Variants in PCGF6 observed in about 807,000 individuals in gnomAD.
PCGF6 encodes the protein polycomb group RING finger protein 6.
A neutral mutation model predicts 45.5 loss-of-function variants in PCGF6; 24 were observed. The ratio of observed to expected loss-of-function variants is 0.53; its 90% CI spans 0.38 to 0.74. The LOEUF is 0.74. PCGF6 is among the 30% of genes least tolerant of loss of function. PCGF6 has a pLI of 0.00. For synonymous variants in PCGF6, 152 were observed against 162.1 expected (o/e 0.94, Z 0.47); for missense variants, 356 against 443.2 (o/e 0.80, Z 1.77).
intron 6 of PCGF6, among the ~76,000 whole-genome samples, chr10:103,340,190 AAAAAAAAAATATAT>A (rs2093275291): frequency 9.6e-6 from 1 of 104,292 alleles, no homozygotes; most frequent in Non-Finnish European, 1.9e-5. Flanking sequence ...GAAAAAAAAA[AAAAAAAAAATATAT>A]ATATATATAT....
chr10:103,337,949 AGCT>A lies in PCGF6; in HGVS notation c.783-4000_783-3998del, dbSNP rs2093263596. 1.8e-4 allele frequency among the ~76,000 whole-genome samples: 19 copies of A among 108,188 alleles called. 8 individuals carry two copies. Among genetic ancestry groups the A allele is most frequent in the Non-Finnish European group, 2.8e-4 (14 of 50,758 alleles). The allele number at this position is 108,188 out of a possible 152,430, so 71.0% of individuals were successfully genotyped here. A position where few individuals can be genotyped will look rare whatever the true frequency, so the allele number is the denominator to read the frequency against. ...CGTAGTGGTGGGCGCCTGTAGTCCC[AGCT>A]ACTTGGGAGGCTGAGGCAGGAGAAT... On this transcript the variant is annotated intron_variant, in intron 6 of 9. Coordinates refer to ENST00000369847, the MANE Select transcript of PCGF6 (RefSeq NM_001011663.2).
intron 6 of PCGF6, among the ~76,000 whole-genome samples, chr10:103,336,041 G>A (rs558637174): frequency 6.6e-6 from 1 of 151,892 alleles, no homozygotes; most frequent in Admixed American, 6.6e-5. Context: ...CAAGGTGGGT[G>A]GATTGCCTGA....
At chr10:103,325,661 C>T (rs1440011225) in intron 8 of PCGF6, among the ~76,000 whole-genome samples, 1 of 152,014 alleles carries the variant, frequency 6.6e-6, no homozygotes, top group Non-Finnish European at 1.5e-5. Context: ...GGAACTGAGG[C>T]CTCTTTAATA....
At chr10:103,328,819 G>A (rs949854618) in intron 7 of PCGF6, among the ~76,000 whole-genome samples, 4 of 138,698 alleles carry the variant, frequency 2.9e-5, no homozygotes, top group African/African-American at 1.1e-4. Flanking sequence ...TGGAGCGATC[G>A]TGGCTCACTG....
At chr10:103,335,609 C>T (rs906706768) in intron 6 of PCGF6, among the ~76,000 whole-genome samples, 3 of 152,004 alleles carry the variant, frequency 2.0e-5, no homozygotes, top group African/African-American at 7.2e-5. Context: ...GATCTGCCCA[C>T]CTTGGCCTCC....
chr10:103,309,231 T>C (rs1408507173), intron 9 of PCGF6, among the ~76,000 whole-genome samples: 1 of 151,382 alleles, frequency 6.6e-6, no homozygotes, highest in Admixed American at 6.6e-5. Flanking sequence ...AATGATATGG[T>C]TTGGATCTGT....
rs1005571472 is a variant in PCGF6, at chr10:103,330,733, G to A, written c.810+3192C>T. 3.3e-5 allele frequency among the ~76,000 whole-genome samples: 5 copies of A among 152,268 alleles called. No individual in the cohort carries two copies. In the East Asian group the frequency reaches 9.7e-4, roughly 30 times the overall value. ...ACCTGAGGTCAGAAGTTCAAGACCA[G>A]CCTGGCTAACACGGTGAAACCCCGT... is the stretch of plus-strand genomic sequence containing the variant. On this transcript the variant is annotated intron_variant, in intron 7 of 9. Coordinates refer to ENST00000369847, the MANE Select transcript of PCGF6 (RefSeq NM_001011663.2).
intron 5 of PCGF6, among the ~76,000 whole-genome samples, chr10:103,345,386 G>A (rs1183613128): frequency 6.6e-6 from 1 of 152,184 alleles, no homozygotes; most frequent in African/African-American, 2.4e-5. Context: ...CATTAGAACA[G>A]CAACATGTGT....
intron 8 of PCGF6, among the ~76,000 whole-genome samples, chr10:103,315,990 GTGTGTA>G (rs57037263): frequency 0.013 from 1,405 of 112,226 alleles, 14 homozygotes; most frequent in African/African-American, 0.036. Flanking sequence ...GTGTGTGTGT[GTGTGTA>G]TATATATATA....
intron 6 of PCGF6, among the ~76,000 whole-genome samples, chr10:103,338,536 CTCCA>C (rs2093266846): frequency 7.2e-6 from 1 of 138,134 alleles, no homozygotes. Context: ...CAGAGCGAGA[CTCCA>C]TCTCAAAAAA....
intron 7 of PCGF6, among the ~76,000 whole-genome samples, chr10:103,332,917 A>G (rs1373376357): frequency 1.3e-5 from 2 of 151,994 alleles, no homozygotes; most frequent in Non-Finnish European, 2.9e-5. Flanking sequence ...GAGTTTGAGA[A>G]TAGCCTGGCC....
chr10:103,350,471 C>T (rs1006267750), intron 1 of PCGF6, among the ~76,000 whole-genome samples: 1 of 152,196 alleles, frequency 6.6e-6, no homozygotes, highest in Non-Finnish European at 1.5e-5. Flanking sequence ...GTTGGACTCG[C>T]AGAGCCTAAG....
intron 9 of PCGF6, among the ~76,000 whole-genome samples, chr10:103,309,440 C>G (rs1254772388): frequency 6.6e-6 from 1 of 152,194 alleles, no homozygotes; most frequent in Non-Finnish European, 1.5e-5. Context: ...CTTATTCTCT[C>G]TCTTCTGGTT....
At chr10:103,345,184 T>C in intron 5 of PCGF6, 52 bp from the exon 6 acceptor site, 1 of 1,288,670 alleles carries the variant, frequency 7.8e-7, no homozygotes. Flanking sequence ...TGCCATAAAT[T>C]GAGATCTTTG....
At position 103,348,972 on chromosome 10, in the gene PCGF6, G is replaced by T. The variant is rs752613513; in HGVS notation, c.388C>A (p.Pro130Thr). The T allele has an allele frequency of 5.6e-6, 9 of 1,613,828 alleles. No homozygotes were observed. Among genetic ancestry groups the T allele is most frequent in the Non-Finnish European group, 6.8e-6 (8 of 1,179,778 alleles). ...TTGCAAATGGAACACAAGATGTATGGGGTCAGCTCAGAGAGATTAATCAGG... is the reference window on the plus strand; with the variant it reads ...TTGCAAATGGAACACAAGATGTATGTGGTCAGCTCAGAGAGATTAATCAGG... ...ERLINLSELT[P>T]YILCSICKGY... Residue 130 changes from proline (P) to threonine (T), a missense_variant, in exon 2 of 10, where the codon CCA becomes ACA. Pro to Thr is a conservative substitution (Grantham distance 38). Around this residue, in one of 2 missense-constraint regions of PCGF6, gnomAD observed 307 missense variants for 350.1 expected, o/e 0.88. Coordinates refer to ENST00000369847, the MANE Select transcript of PCGF6 (RefSeq NM_001011663.2).
chr10:103,312,980 A>AAAACAG (rs2093162834), intron 9 of PCGF6, among the ~76,000 whole-genome samples: 1 of 152,132 alleles, frequency 6.6e-6, no homozygotes. Flanking sequence ...AACAAAAACA[A>AAAACAG]AAACAAAAAC....
At chr10:103,338,953 A>C (rs1738440944) in intron 6 of PCGF6, among the ~76,000 whole-genome samples, 1 of 152,134 alleles carries the variant, frequency 6.6e-6, no homozygotes, top group African/African-American at 2.4e-5. Flanking sequence ...CAGAGGCTGA[A>C]CCCACCTCAG....
intron 7 of PCGF6, among the ~76,000 whole-genome samples, chr10:103,332,308 C>G (rs573689821): frequency 6.6e-6 from 1 of 152,144 alleles, no homozygotes; most frequent in Non-Finnish European, 1.5e-5. Context: ...AAGACAGAGT[C>G]TTACTCTGTC....
At chr10:103,320,749 A>T (rs923181145) in intron 8 of PCGF6, among the ~76,000 whole-genome samples, 9 of 151,498 alleles carry the variant, frequency 5.9e-5, no homozygotes, top group African/African-American at 2.2e-4. Flanking sequence ...TTAAAATTTG[A>T]TCTGCCACAA....
Sources: gnomAD v4.1 joint callset for allele counts (sites outside exome capture counted in the v4.1 genomes callset) on GRCh38, gnomAD v4.1.1 for gene constraint, gnomAD v4.1.1 regional missense constraint, MANE v1.5 for transcripts, NCBI Gene and HGNC (gene_info 2026-07-23, HGNC 2026-07-21) for gene names.